Variants in COL22A1 observed in about 807,000 individuals in gnomAD.
The protein encoded by COL22A1 is collagen alpha-1(XXII) chain.
Under a neutral mutation model 248.9 loss-of-function variants are expected in COL22A1, and 221 were observed. The observed-to-expected ratio is 0.89, with a 90% CI of 0.80 to 0.99. The LOEUF (loss-of-function observed/expected upper bound fraction) is 0.99. COL22A1 is among the 50% of genes least tolerant of loss of function. The pLI, the probability that COL22A1 is intolerant of heterozygous loss-of-function variation, is 0.00. For synonymous variants in COL22A1, 891 were observed against 793.4 expected, an observed-to-expected ratio of 1.12 and a Z score of -2.07; for missense variants, 2,240 against 2,179.0, an observed-to-expected ratio of 1.03 and a Z score of -0.56.
intron 41 of COL22A1, among the ~76,000 whole-genome samples, chr8:138,669,532 G>A (rs190262170): frequency 4.6e-5 from 7 of 152,260 alleles, no homozygotes; most frequent in East Asian, 3.9e-4. Context: ...CTGTCTTCTC[G>A]CTTAGAAACA....
At chr8:138,604,842 C>T in intron 58 of COL22A1, 73 bp from the exon 59 acceptor site, 2 of 1,235,218 alleles carry the variant, frequency 1.6e-6, no homozygotes. Flanking sequence ...GTCTTTAAAA[C>T]TGACATTTCC....
intron 41 of COL22A1, among the ~76,000 whole-genome samples, chr8:138,672,126 G>A (rs894577970): frequency 7.2e-5 from 11 of 152,176 alleles, no homozygotes; most frequent in African/African-American, 2.7e-4. Flanking sequence ...TTTGCTTGGA[G>A]TTAGAATGCT....
intron 1 of COL22A1, among the ~76,000 whole-genome samples, chr8:138,901,470 G>A (rs778129205): frequency 5.4e-5 from 8 of 148,878 alleles, no homozygotes; most frequent in Non-Finnish European, 3.0e-5. Context: ...AGGCTCTGGT[G>A]ATCCTCCCAC....
chr8:138,607,976 G>A lies in COL22A1; in HGVS notation c.3992C>T (p.Ser1331Leu). 2 of 1,614,098 alleles carry A rather than the reference G, an allele frequency of 1.2e-6. No homozygotes were observed. The highest frequency in any genetic ancestry group is 2.2e-5 in the South Asian group (2 of 91,066). Residue 1331 changes from serine to leucine, a missense_variant, in exon 57 of 65, where the codon TCA becomes TTA. By Grantham distance (145) the Ser-to-Leu change is moderately radical (BLOSUM62 -2). Coordinates refer to ENST00000303045, the MANE Select transcript of COL22A1 (RefSeq NM_152888.3). ...GPRGPPGKNG[S>L]PGSPGEPGPS... ...GCCAGGCTCTCCTGGAGATCCCGGTGATCCATTCTTGCCCTGGTGGAAGAA... is the reference window on the plus strand; with the variant it reads ...GCCAGGCTCTCCTGGAGATCCCGGTAATCCATTCTTGCCCTGGTGGAAGAA...
chr8:138,826,741 C>A lies in COL22A1; in HGVS notation c.886G>T (p.Val296Phe). The A allele has an allele frequency of 1.2e-6, 2 of 1,614,100 alleles. No individual in the cohort carries two copies. Among genetic ancestry groups the A allele is most frequent in the Middle Eastern group, 1.6e-4 (1 of 6,062 alleles). ...GTTTTCCTGAACCGGAAGGTTGTGA[C>A]AAAGGCGTACTCATCAGGTAAACCT... ...PQGLPDEYAF[V>F]TTFRFRKTSR... Residue 296 changes from valine (V) to phenylalanine (F), a missense_variant, in exon 6 of 65, where the codon GTC (valine) becomes TTC (phenylalanine). Coordinates refer to ENST00000303045, the MANE Select transcript of COL22A1 (RefSeq NM_152888.3).
intron 9 of COL22A1, among the ~76,000 whole-genome samples, chr8:138,809,917 T>C (rs1454228347): frequency 6.6e-6 from 1 of 152,258 alleles, no homozygotes; most frequent in Non-Finnish European, 1.5e-5. Context: ...AGGCTATGTA[T>C]TAGTAGCTGA....
At chr8:138,630,541 C>T (rs1025394126) in intron 50 of COL22A1, among the ~76,000 whole-genome samples, 154 bp downstream of exon 50, 11 of 152,150 alleles carry the variant, frequency 7.2e-5, no homozygotes, top group Non-Finnish European at 1.2e-4. Context: ...GCAAACCCTC[C>T]AGCAGTTTCA....
In COL22A1 at chr8:138,824,040, C is replaced by G. The variant is rs577225956; in HGVS notation, c.969+2618G>C. Among the ~76,000 whole-genome samples, 7 of 152,332 alleles carry G rather than the reference C, an allele frequency of 4.6e-5. No individual in the cohort carries two copies. The South Asian group carries it at 8.3e-4, about 18-fold the overall frequency. On this transcript the variant is annotated intron_variant, in intron 6 of 64. Coordinates refer to ENST00000303045, the MANE Select transcript of COL22A1 (RefSeq NM_152888.3). The stretch of plus-strand genomic sequence containing the variant: ...ATGGCTTCAGTACAACCAAGGAAGA[C>G]TGGGATTTATTTTAATTCCATCACC...
intron 17 of COL22A1, 145 bp from the exon 18 acceptor site, chr8:138,760,432 G>T (rs1833379004): frequency 1.5e-6 from 1 of 658,048 alleles, no homozygotes; most frequent in East Asian, 3.3e-5. Flanking sequence ...CTGACTTTCT[G>T]GACTGTGCTT....
chr8:138,756,415 G>C (rs1156570799), intron 18 of COL22A1, among the ~76,000 whole-genome samples: 1 of 152,090 alleles, frequency 6.6e-6, no homozygotes, highest in African/African-American at 2.4e-5. Context: ...GGCCTGACCG[G>C]ATGTTCCAGC....
chr8:138,829,401 C>CTTTTTT (rs1483155408), intron 5 of COL22A1, among the ~76,000 whole-genome samples: 47 of 82,144 alleles, frequency 5.7e-4, no homozygotes, highest in Admixed American at 8.7e-4. Context: ...CCTTCCTTTC[C>CTTTTTT]TGTTTTTTTT....
At chr8:138,838,736 C>T (rs186686606) in intron 4 of COL22A1, among the ~76,000 whole-genome samples, 4 of 151,492 alleles carry the variant, frequency 2.6e-5, no homozygotes, top group Admixed American at 6.6e-5. Flanking sequence ...AAAATGTTCC[C>T]GAGGAAAGCA....
chr8:138,856,962 C>A (rs2131934994), intron 3 of COL22A1, among the ~76,000 whole-genome samples: 1 of 152,270 alleles, frequency 6.6e-6, no homozygotes, highest in East Asian at 1.9e-4. Context: ...ACCTTTCCTG[C>A]ATGTCCCCAT....
At position 138,716,248 on chromosome 8, in the gene COL22A1, C is replaced by A; in HGVS notation, c.2442G>T (p.Val814=). The change falls in exon 29 of 65, where the codon GTG becomes GTT. Residue 814 remains valine (V), a synonymous_variant. Coordinates refer to ENST00000303045, the MANE Select transcript of COL22A1 (RefSeq NM_152888.3). ...GLPGAPGFPG[V]RGEKGDQGEK... ...TTACCTGGTCTCCTTTCTCTCCTCT[C>A]ACACCTGGGAAGCCTGGAGCCCCTG... The A allele has an allele frequency of 1.3e-6, 2 of 1,591,238 alleles. No individual in the cohort carries two copies. The highest frequency in any genetic ancestry group is 1.7e-6 in the Non-Finnish European group (2 of 1,167,008).
chr8:138,623,902 C>A, intron 51 of COL22A1, 117 bp from the exon 52 acceptor site: 1 of 777,758 alleles, frequency 1.3e-6, no homozygotes, highest in Non-Finnish European at 2.1e-6. Flanking sequence ...TCACAGTTGG[C>A]AGCTAAGGCA....
chr8:138,620,560 G>C (rs1819704645), intron 52 of COL22A1: 1 of 152,196 alleles, frequency 6.6e-6, no homozygotes. Flanking sequence ...CTCCCTTGTA[G>C]GTCTTTGTGA....
At chr8:138,831,063 C>G (rs1234363378) in intron 5 of COL22A1, among the ~76,000 whole-genome samples, 1 of 152,172 alleles carries the variant, frequency 6.6e-6, no homozygotes, top group African/African-American at 2.4e-5. Context: ...GAGGAAGTGA[C>G]TTGTCTCATT....
At chr8:138,746,170 T>C (rs1832088474) in intron 22 of COL22A1, among the ~76,000 whole-genome samples, 1 of 152,202 alleles carries the variant, frequency 6.6e-6, no homozygotes, top group Admixed American at 6.5e-5. Flanking sequence ...CTGTTGCTAA[T>C]CTCTAAAATA....
intron 50 of COL22A1, among the ~76,000 whole-genome samples, chr8:138,628,882 C>T (rs759248826): frequency 1.3e-5 from 2 of 151,392 alleles, no homozygotes; most frequent in Non-Finnish European, 2.9e-5. Context: ...TCTCCTGCCT[C>T]ACTGTCCCGA....
Sources: gnomAD v4.1 joint callset for allele counts (sites outside exome capture counted in the v4.1 genomes callset) on GRCh38, gnomAD v4.1.1 for gene constraint, MANE v1.5 for transcripts, NCBI Gene and HGNC (gene_info 2026-07-23, HGNC 2026-07-21) for gene names.